Variants in CALN1 observed in about 807,000 individuals in gnomAD.
The protein encoded by CALN1 is calcium-binding protein 8.
In CALN1, 17 loss-of-function variants were observed where a neutral mutation model predicts 30.6. That is an observed-to-expected ratio of 0.56 (90% CI 0.38 to 0.83). The LOEUF (loss-of-function observed/expected upper bound fraction) is 0.83, where lower values mean the gene tolerates loss of function less well. Among genes scored for constraint, CALN1 ranks in the 40% least tolerant of loss-of-function variants. CALN1 has a pLI of 0.00. For missense variants in CALN1, 291 were observed against 354.9 expected, an observed-to-expected ratio of 0.82 and a Z score of 1.45; for synonymous variants, 156 against 131.4, an observed-to-expected ratio of 1.19 and a Z score of -1.28.
intron 2 of CALN1, among the ~76,000 whole-genome samples, chr7:72,365,533 G>A (rs538075424): frequency 5.9e-5 from 9 of 152,038 alleles, no homozygotes; most frequent in Admixed American, 1.3e-4. Context: ...GGGCCCAAGC[G>A]ATCCTCCTAC....
chr7:72,076,849 GA>G (rs1804779278), intron 4 of CALN1, among the ~76,000 whole-genome samples: 2 of 152,120 alleles, frequency 1.3e-5, no homozygotes, highest in South Asian at 4.1e-4. Context: ...GCAAGGAACA[GA>G]AACAAGTTGA....
chr7:71,929,765 A>C (rs1160372125), intron 5 of CALN1, among the ~76,000 whole-genome samples: 3 of 152,146 alleles, frequency 2.0e-5, no homozygotes, highest in Non-Finnish European at 4.4e-5. Context: ...CAGGAGTGAA[A>C]TTGATGGAGT....
chr7:72,194,628 T>TGGA (rs1790862688), intron 3 of CALN1, among the ~76,000 whole-genome samples: 1 of 146,276 alleles, frequency 6.8e-6, no homozygotes, highest in South Asian at 2.3e-4. Flanking sequence ...AGTCTTGCTC[T>TGGA]GTCGCCAGGC....
chr7:72,164,504 T>C (rs1210018739), intron 3 of CALN1, among the ~76,000 whole-genome samples: 1 of 152,124 alleles, frequency 6.6e-6, no homozygotes, highest in Non-Finnish European at 1.5e-5. Context: ...GGCAAGAAAG[T>C]AGAACGTTCT....
At chr7:72,268,961 C>A (rs1478673099) in intron 3 of CALN1, among the ~76,000 whole-genome samples, 2 of 152,156 alleles carry the variant, frequency 1.3e-5, no homozygotes, top group African/African-American at 4.8e-5. Context: ...CAAATGACAA[C>A]AGGCAGCACA....
At chr7:72,273,243 A>T (rs117475915) in intron 3 of CALN1, among the ~76,000 whole-genome samples, 6,236 of 152,028 alleles carry the variant, frequency 0.041, 184 homozygotes, top group Middle Eastern at 0.075. Flanking sequence ...ACCAGCCTCG[A>T]CTACCCTGTC....
chr7:71,865,502 T>A (rs1214789282), intron 5 of CALN1, among the ~76,000 whole-genome samples: 1 of 152,252 alleles, frequency 6.6e-6, no homozygotes, highest in African/African-American at 2.4e-5. Flanking sequence ...CAGTCTCAGA[T>A]ATTTCCTTAT....
intron 5 of CALN1, among the ~76,000 whole-genome samples, chr7:71,882,862 G>GTA (rs1562869279): frequency 6.9e-6 from 1 of 144,972 alleles, no homozygotes; most frequent in East Asian, 2.1e-4. Context: ...GTGTGTGTGT[G>GTA]TGTGTGTGTG....
At chr7:72,153,500 G>C (rs1241661243) in intron 3 of CALN1, among the ~76,000 whole-genome samples, 2 of 148,506 alleles carry the variant, frequency 1.3e-5, no homozygotes, top group Admixed American at 6.9e-5. Flanking sequence ...GTAATATAAC[G>C]AGACCTTGTC....
chr7:72,414,442 C>G (rs1807359171), upstream of CALN1, among the ~76,000 whole-genome samples: 1 of 152,160 alleles, frequency 6.6e-6, no homozygotes, highest in Non-Finnish European at 1.5e-5. Flanking sequence ...GATGCCAGAC[C>G]AGGGGTCCTG....
chr7:71,868,733 C>T (rs190592464), intron 5 of CALN1, among the ~76,000 whole-genome samples: 1 of 152,156 alleles, frequency 6.6e-6, no homozygotes, highest in Non-Finnish European at 1.5e-5. Flanking sequence ...ATCCAGTCAC[C>T]TCCCCCCAGG....
At chr7:71,971,993 GAGAA>G (rs1294501292) in intron 5 of CALN1, among the ~76,000 whole-genome samples, 10 of 85,674 alleles carry the variant, frequency 1.2e-4, no homozygotes, top group South Asian at 4.5e-4. Flanking sequence ...AAGAAAGAAA[GAGAA>G]AGAAAGAAAA....
intron 2 of CALN1, among the ~76,000 whole-genome samples, chr7:72,341,171 C>G (rs1802365209): frequency 6.6e-6 from 1 of 152,210 alleles, no homozygotes; most frequent in African/African-American, 2.4e-5. Flanking sequence ...ATCTAACAAT[C>G]TGTTGCCTCT....
chr7:72,459,773 C>T, the CALN1 span, among the ~76,000 whole-genome samples: 1 of 152,118 alleles, frequency 6.6e-6, no homozygotes, highest in Non-Finnish European at 1.5e-5. Flanking sequence ...CCCAACACGA[C>T]ACAGCTTCCA....
chr7:72,213,523 G>A (rs974372770), intron 3 of CALN1, among the ~76,000 whole-genome samples: 9 of 152,112 alleles, frequency 5.9e-5, no homozygotes, highest in Non-Finnish European at 1.3e-4. Context: ...TTTCGGTGAG[G>A]GATGCGCATT....
chr7:71,818,724 T>TTTA, intron 5 of CALN1, among the ~76,000 whole-genome samples: 1 of 136,272 alleles, frequency 7.3e-6, no homozygotes, highest in African/African-American at 2.9e-5. Context: ...TTATTTATTT[T>TTTA]TTTGAGCTGG....
At chr7:72,321,714 T>C (rs1800894449) in intron 2 of CALN1, among the ~76,000 whole-genome samples, 1 of 152,206 alleles carries the variant, frequency 6.6e-6, no homozygotes. Flanking sequence ...GTGACATCGC[T>C]GGAGTCACAG....
intron 5 of CALN1, among the ~76,000 whole-genome samples, chr7:71,934,011 AATGTAGGTTC>A (rs1358852189): frequency 1.3e-5 from 2 of 152,106 alleles, no homozygotes; most frequent in Admixed American, 1.3e-4. Flanking sequence ...GCCATATGGG[AATGTAGGTTC>A]ACTCTTTACA....
intron 5 of CALN1, among the ~76,000 whole-genome samples, chr7:71,813,656 G>A (rs934907562): frequency 7.9e-5 from 12 of 152,222 alleles, no homozygotes; most frequent in Admixed American, 2.6e-4. Context: ...GGGGCCGGGC[G>A]CGGTGGCTCA....
Sources: allele counts gnomAD v4.1 joint callset (sites outside exome capture counted in the v4.1 genomes callset), GRCh38; gene constraint gnomAD v4.1.1; transcripts MANE v1.5; gene names NCBI Gene and HGNC (gene_info 2026-07-23, HGNC 2026-07-21).